Variants in ARFGEF3 observed in about 807,000 individuals in gnomAD.
The protein encoded by ARFGEF3 is ARFGEF family member 3.
In ARFGEF3, 96 loss-of-function variants were observed where a neutral mutation model predicts 221.7. The observed-to-expected ratio is 0.43, with a 90% CI of 0.37 to 0.51. The LOEUF is 0.51. Among genes scored for constraint, ARFGEF3 ranks in the 20% least tolerant of loss-of-function variants. The probability of loss-of-function intolerance (pLI) is 0.00; values close to 1 mark genes in which losing one functional copy is unlikely to be tolerated. For missense variants in ARFGEF3, 2,410 were observed against 2,789.9 expected (o/e 0.86, Z 3.07); for synonymous variants, 1,145 against 1,126.8 (o/e 1.02, Z -0.32).
chr6:138,309,789 A>G (rs1779793258), intron 24 of ARFGEF3, among the ~76,000 whole-genome samples: 1 of 152,234 alleles, frequency 6.6e-6, no homozygotes, highest in Admixed American at 6.5e-5. Flanking sequence ...AGGATATCCC[A>G]GCTCCAGAGA....
At chr6:138,325,931 C>T (rs535427289) in intron 31 of ARFGEF3, among the ~76,000 whole-genome samples, 2 of 151,408 alleles carry the variant, frequency 1.3e-5, no homozygotes, top group Non-Finnish European at 3.0e-5. Flanking sequence ...GATCTCGGCT[C>T]ACAGCAACCT....
At chr6:138,282,819 C>G (rs9494998) in intron 14 of ARFGEF3, among the ~76,000 whole-genome samples, 1 of 152,154 alleles carries the variant, frequency 6.6e-6, no homozygotes, top group Admixed American at 6.5e-5. Context: ...GAGGCCGAGG[C>G]GGGTGGATCA....
In ARFGEF3 at chr6:138,161,976, C is replaced by A. The variant is rs942738508; in HGVS notation, c.-111C>A. On this transcript the variant is annotated 5_prime_UTR_variant, in exon 1 of 34. Transcript: ENST00000251691. Reference sequence around the variant, plus strand: ...CATCCGCGCCGGGGCGGCATGGGGGCGCGCGCGGCGGCCGCCTAGGCGCCC... The same window carrying A: ...CATCCGCGCCGGGGCGGCATGGGGGAGCGCGCGGCGGCCGCCTAGGCGCCC... 1.6e-5 allele frequency: 7 copies of A among 428,990 alleles called. No individual in the cohort carries two copies. The highest frequency in any genetic ancestry group is 1.1e-4 in the African/African-American group (5 of 46,230). 26.6% of individuals were successfully genotyped at this position (428,990 alleles called of 1,614,324 possible). A position where few individuals can be genotyped will look rare whatever the true frequency, so the allele number is the denominator to read the frequency against.
intron 2 of ARFGEF3, among the ~76,000 whole-genome samples, chr6:138,205,136 C>T (rs1443655162): frequency 6.6e-6 from 1 of 152,186 alleles, no homozygotes; most frequent in East Asian, 1.9e-4. Context: ...TTCCAAGGGT[C>T]AACACATTGA....
chr6:138,243,936 C>T (rs1239196489), intron 7 of ARFGEF3, among the ~76,000 whole-genome samples: 3 of 152,092 alleles, frequency 2.0e-5, no homozygotes, highest in Admixed American at 6.5e-5. Flanking sequence ...CTCTCAGTGA[C>T]GTGCGCTAAG....
intron 14 of ARFGEF3, among the ~76,000 whole-genome samples, chr6:138,281,423 T>C (rs1030479244): frequency 6.6e-6 from 1 of 152,240 alleles, no homozygotes; most frequent in Non-Finnish European, 1.5e-5. Flanking sequence ...ATCACCCGGG[T>C]ACTGAGTATA....
At chr6:138,221,058 G>A (rs1346457859) in intron 4 of ARFGEF3, among the ~76,000 whole-genome samples, 2 of 152,208 alleles carry the variant, frequency 1.3e-5, no homozygotes, top group African/African-American at 4.8e-5. Flanking sequence ...TCTTCGGTCA[G>A]TTGGTGGCTT....
At chr6:138,211,325 A>T (rs4895516) in intron 4 of ARFGEF3, among the ~76,000 whole-genome samples, 20,295 of 152,220 alleles carry the variant, frequency 0.13, 1,897 homozygotes, top group East Asian at 0.36. Context: ...AAACACAATG[A>T]ACATGATGAT....
intron 21 of ARFGEF3, among the ~76,000 whole-genome samples, chr6:138,297,491 G>A (rs926406): frequency 0.074 from 11,238 of 152,252 alleles, 776 homozygotes; most frequent in South Asian, 0.24. Flanking sequence ...CTCAATACAT[G>A]AGGACTGGCC....
chr6:138,262,666 C>T (rs1026890353), intron 11 of ARFGEF3, 35 bp from the exon 12 acceptor site: 6 of 1,543,454 alleles, frequency 3.9e-6, no homozygotes, highest in Non-Finnish European at 5.3e-6. Context: ...ACATTTTATG[C>T]ATTTATTCCA....
chr6:138,263,720 T>A, intron 12 of ARFGEF3, 109 bp downstream of exon 12: 1 of 1,065,190 alleles, frequency 9.4e-7, no homozygotes, highest in Non-Finnish European at 1.3e-6. Flanking sequence ...AGCATATTAA[T>A]GTATCTTTGG....
intron 26 of ARFGEF3, 65 bp downstream of exon 26, chr6:138,314,004 A>G (rs1779875487): frequency 1.3e-6 from 2 of 1,526,896 alleles, no homozygotes; most frequent in South Asian, 2.4e-5. Context: ...AGCTTAAGTC[A>G]TAAATGAAGT....
At chr6:138,265,839 G>A (rs1778882296) in intron 12 of ARFGEF3, among the ~76,000 whole-genome samples, 1 of 151,986 alleles carries the variant, frequency 6.6e-6, no homozygotes, top group African/African-American at 2.4e-5. Flanking sequence ...TGTTGCCCAG[G>A]CTGAAGTGCA....
chr6:138,194,964 T>A (rs1365200733), intron 2 of ARFGEF3, among the ~76,000 whole-genome samples: 1 of 146,208 alleles, frequency 6.8e-6, no homozygotes, highest in Non-Finnish European at 1.5e-5. Context: ...ACTTGTAGGC[T>A]CAAACTAACT....
intron 6 of ARFGEF3, among the ~76,000 whole-genome samples, 170 bp from the exon 7 acceptor site, chr6:138,242,782 G>T (rs1382054299): frequency 3.3e-5 from 5 of 152,158 alleles, no homozygotes; most frequent in Non-Finnish European, 2.9e-5. Context: ...TAAACACCGT[G>T]AATAATGAAA....
Position 138,335,051 on chromosome 6 carries a change from C to A in ARFGEF3, c.6205C>A (p.His2069Asn), listed in dbSNP as rs1202336718. The A allele has an allele frequency of 6.3e-7, 1 of 1,598,078 alleles. No individual in the cohort carries two copies. Among genetic ancestry groups the A allele is most frequent in the African/African-American group, 1.3e-5 (1 of 74,688 alleles). The change falls in exon 33 of 34, where the codon CAC becomes AAC. Residue 2069 changes from histidine to asparagine, a missense_variant. By Grantham distance (68) the His-to-Asn change is moderately conservative (BLOSUM62 1). Transcript: ENST00000251691. Reference protein sequence around the residue: ...QDSPLLQRPQHLMDQGQMRHS... With the variant: ...QDSPLLQRPQNLMDQGQMRHS... ...CTCCCCGCTGCTTCAGCGTCCCCAG[C>A]ACTTGATGGACCAAGGGCAAATGCG...
rs1779467176 is a variant in ARFGEF3 at position 138,294,240 on chromosome 6, C to T, written c.3502+114C>T. 17 of 1,123,774 alleles carry T rather than the reference C, an allele frequency of 1.5e-5. No homozygotes were observed. The South Asian group carries it at 2.4e-4, about 16-fold the overall frequency. 69.6% of individuals were successfully genotyped at this position (1,123,774 alleles called of 1,614,324 possible). On this transcript the variant is annotated intron_variant, in intron 20 of 33. Transcript: ENST00000251691. ...ACTCCACATTCCCATTGCTTACACT[C>T]ACACAAGCTAAGCCCAAGTATAGAT...
Position 138,336,944 on chromosome 6 carries a change from T to C in ARFGEF3, c.*458T>C, listed in dbSNP as rs1209464506. On this transcript the variant is annotated 3_prime_UTR_variant, in exon 34 of 34. Coordinates refer to ENST00000251691, the MANE Select transcript of ARFGEF3 (RefSeq NM_020340.5). ...GACATCTAGTACCAGGGATTATTAATTGGAGGAAGATTTATGGTTATGGGT... is the reference window on the plus strand; with the variant it reads ...GACATCTAGTACCAGGGATTATTAACTGGAGGAAGATTTATGGTTATGGGT... 1.3e-5 allele frequency: 2 copies of C among 152,572 alleles called. No individual in the cohort carries two copies. Among genetic ancestry groups the C allele is most frequent in the Non-Finnish European group, 2.9e-5 (2 of 68,110 alleles). The allele number at this position is 152,572 out of a possible 1,614,324, so 9.5% of individuals were successfully genotyped here.
At chr6:138,239,006 G>C (rs1396511803) in intron 6 of ARFGEF3, among the ~76,000 whole-genome samples, 1 of 152,138 alleles carries the variant, frequency 6.6e-6, no homozygotes, top group Non-Finnish European at 1.5e-5. Flanking sequence ...TTGAGGTTGG[G>C]TATGTTTCCC....
Sources: allele counts gnomAD v4.1 joint callset (sites outside exome capture counted in the v4.1 genomes callset), GRCh38; gene constraint gnomAD v4.1.1; transcripts MANE v1.5; gene names NCBI Gene and HGNC (gene_info 2026-07-23, HGNC 2026-07-21).